Variants in SCAPER observed in about 807,000 individuals in gnomAD.
SCAPER encodes the protein S-phase cyclin A associated protein in the ER, also known as S phase cyclin A-associated protein in the endoplasmic reticulum.
Under a neutral mutation model 182.2 loss-of-function variants are expected in SCAPER, and 98 were observed. The ratio of observed to expected loss-of-function variants is 0.54; its 90% CI spans 0.46 to 0.64. SCAPER has a LOEUF of 0.64. Ranked by LOEUF, SCAPER falls within the 30% of genes least tolerant of loss-of-function variation. The pLI is 0.00. For synonymous variants in SCAPER, 605 were observed against 564.6 expected, an observed-to-expected ratio of 1.07 and a Z score of -1.01; for missense variants, 1,432 against 1,690.0, an observed-to-expected ratio of 0.85 and a Z score of 2.68.
At chr15:76,809,318 C>G (rs2066417323) in intron 5 of SCAPER, among the ~76,000 whole-genome samples, 1 of 152,082 alleles carries the variant, frequency 6.6e-6, no homozygotes, top group Non-Finnish European at 1.5e-5. Context: ...TGACTTATCA[C>G]ATAGAGAATT....
intron 24 of SCAPER, among the ~76,000 whole-genome samples, chr15:76,475,047 T>C (rs974464436): frequency 6.6e-6 from 1 of 152,204 alleles, no homozygotes; most frequent in Non-Finnish European, 1.5e-5. Flanking sequence ...TTTGATAACA[T>C]GTCTAAATTT....
intron 26 of SCAPER, among the ~76,000 whole-genome samples, chr15:76,424,539 T>C (rs1377666389): frequency 1.3e-5 from 2 of 152,220 alleles, no homozygotes; most frequent in African/African-American, 2.4e-5. Flanking sequence ...GTCTACTGAA[T>C]ACAGCACATT....
intron 27 of SCAPER, among the ~76,000 whole-genome samples, chr15:76,387,955 A>C (rs2043398576): frequency 6.6e-6 from 1 of 152,204 alleles, no homozygotes; most frequent in Non-Finnish European, 1.5e-5. Flanking sequence ...GCACTGCTTG[A>C]TCACCAAAGA....
At chr15:76,580,966 A>G (rs1250312173) in intron 22 of SCAPER, among the ~76,000 whole-genome samples, 1 of 152,196 alleles carries the variant, frequency 6.6e-6, no homozygotes, top group Non-Finnish European at 1.5e-5. Flanking sequence ...AAAAGGAGAC[A>G]TTATAACCAA....
Position 76,594,044 on chromosome 15 carries a change from G to A in SCAPER, c.2712-19760C>T, listed in dbSNP as rs1383950033. On this transcript the variant is annotated intron_variant, in intron 22 of 31. Transcript: ENST00000563290. The stretch of plus-strand genomic sequence containing the variant: ...AAACTCCTCTGAGCTAAAGGAGCAT[G>A]ATATAACCGAATGCAAGGAAGCTAA... 1.7e-5 allele frequency among the ~76,000 whole-genome samples: 2 copies of A among 119,870 alleles called. 1 individual carries two copies. Among genetic ancestry groups the A allele is most frequent in the Admixed American group, 1.9e-4 (2 of 10,410 alleles). The allele number at this position is 119,870 out of a possible 152,430, so 78.6% of individuals were successfully genotyped here. A position where few individuals can be genotyped will look rare whatever the true frequency, so the allele number is the denominator to read the frequency against.
intron 24 of SCAPER, among the ~76,000 whole-genome samples, chr15:76,488,451 TCA>T (rs1018835174): frequency 3.3e-5 from 5 of 152,312 alleles, no homozygotes; most frequent in African/African-American, 1.2e-4. Context: ...TATGTCATAC[TCA>T]GTTTCCACTA....
At chr15:76,375,435 GAA>G (rs2042488292) in intron 29 of SCAPER, among the ~76,000 whole-genome samples, 1 of 151,938 alleles carries the variant, frequency 6.6e-6, no homozygotes, top group East Asian at 1.9e-4. Context: ...CAGGAGCCAA[GAA>G]CAGTTTCATA....
chr15:76,629,499 CTG>C (rs2052901689), intron 21 of SCAPER, among the ~76,000 whole-genome samples: 1 of 152,150 alleles, frequency 6.6e-6, no homozygotes, highest in Admixed American at 6.5e-5. Context: ...ACGGCCTTTT[CTG>C]TGTCTATTGA....
chr15:76,458,260 C>T (rs1328662401), intron 25 of SCAPER, among the ~76,000 whole-genome samples: 1 of 151,586 alleles, frequency 6.6e-6, no homozygotes. Context: ...ACTCCACATA[C>T]TCCATTGTGT....
chr15:76,408,688 C>T (rs1033758987), intron 26 of SCAPER, among the ~76,000 whole-genome samples: 2 of 151,646 alleles, frequency 1.3e-5, no homozygotes, highest in African/African-American at 4.8e-5. Flanking sequence ...GAGACTGATG[C>T]TCAAGGAAGG....
At position 76,376,251 on chromosome 15, in the gene SCAPER, C is replaced by CCAG; in HGVS notation, c.3763_3765dup (p.Leu1255dup). 6.2e-7 allele frequency: 1 copy of CCAG among 1,613,940 alleles called. No homozygotes were observed. The highest frequency in any genetic ancestry group is 8.5e-7 in the Non-Finnish European group (1 of 1,179,868). On this transcript the variant is annotated inframe_insertion, in exon 29 of 32. Transcript: ENST00000563290. ...TCACAGGAGACTTGGCTGCAGTGGC[C>CCAG]CAGCAGGGAGCTGGCCATGTGCCGG...
At chr15:76,450,758 T>C (rs931028832) in intron 25 of SCAPER, among the ~76,000 whole-genome samples, 2 of 152,204 alleles carry the variant, frequency 1.3e-5, no homozygotes, top group Non-Finnish European at 2.9e-5. Flanking sequence ...TTTTGTCATA[T>C]TGCCCAGGCT....
chr15:76,537,983 C>G (rs1010367904), intron 23 of SCAPER, among the ~76,000 whole-genome samples: 1 of 151,772 alleles, frequency 6.6e-6, no homozygotes, highest in Non-Finnish European at 1.5e-5. Flanking sequence ...CATCACTGGC[C>G]ATCAGAGAAA....
chr15:76,818,944 G>A (rs976287940), intron 5 of SCAPER, among the ~76,000 whole-genome samples: 7 of 152,226 alleles, frequency 4.6e-5, no homozygotes, highest in Admixed American at 2.0e-4. Flanking sequence ...ATTATATCCC[G>A]CACATGGCTC....
In SCAPER at chr15:76,495,989, G is replaced by GACACACAC. The variant is rs1189380440; in HGVS notation, c.2954+8869_2954+8870insGTGTGTGT. 7.0e-4 allele frequency among the ~76,000 whole-genome samples: 74 copies of GACACACAC among 105,570 alleles called. 1 individual carries two copies. Among genetic ancestry groups the GACACACAC allele is most frequent in the East Asian group, 3.8e-3 (16 of 4,208 alleles). The allele number at this position is 105,570 out of a possible 152,430, so 69.3% of individuals were successfully genotyped here. On this transcript the variant is annotated intron_variant, in intron 24 of 31. Transcript: ENST00000563290. ...GGAGAAAGAGAAAGAAAGCAAAAGAGAGAGACACACACACACACACACACA... is the reference window on the plus strand; with the variant it reads ...GGAGAAAGAGAAAGAAAGCAAAAGAGACACACACAGAGACACACACACACACACACACA...
chr15:76,896,089 G>C (rs961866425), intron 1 of SCAPER, among the ~76,000 whole-genome samples: 1 of 151,498 alleles, frequency 6.6e-6, no homozygotes, highest in Non-Finnish European at 1.5e-5. Flanking sequence ...ACAATAAAAG[G>C]CTGGCCACAG....
At chr15:76,715,414 C>T (rs2059835262) in intron 17 of SCAPER, among the ~76,000 whole-genome samples, 1 of 152,090 alleles carries the variant, frequency 6.6e-6, no homozygotes, top group Non-Finnish European at 1.5e-5. Flanking sequence ...ACCCTGTGTT[C>T]TAGGCCAAAG....
At chr15:76,404,718 A>G (rs1200899270) in intron 26 of SCAPER, 39 bp from the exon 27 acceptor site, 1 of 1,583,252 alleles carries the variant, frequency 6.3e-7, no homozygotes, top group Non-Finnish European at 8.6e-7. Flanking sequence ...CAATCTGAAT[A>G]GGCCAGCAAC....
At chr15:76,788,588 A>C (rs922505329) in intron 8 of SCAPER, among the ~76,000 whole-genome samples, 1 of 152,154 alleles carries the variant, frequency 6.6e-6, no homozygotes, top group African/African-American at 2.4e-5. Flanking sequence ...CCTGTTTTTG[A>C]AAATACAAAA....
Sources: gnomAD v4.1 joint callset for allele counts (sites outside exome capture counted in the v4.1 genomes callset) on GRCh38, gnomAD v4.1.1 for gene constraint, MANE v1.5 for transcripts, NCBI Gene and HGNC (gene_info 2026-07-23, HGNC 2026-07-21) for gene names.